PDE4D: variants seen among roughly 807,000 people sequenced by gnomAD.
PDE4D encodes 3',5'-cyclic-AMP phosphodiesterase 4D.
PDE4D carries 24 observed loss-of-function variants against 87.4 expected under a neutral mutation model. That is an observed-to-expected ratio of 0.27 (90% CI 0.20 to 0.39). PDE4D has a LOEUF of 0.39. Ranked by LOEUF, PDE4D falls within the 10% of genes least tolerant of loss-of-function variation. PDE4D has a pLI of 1.00. For synonymous variants in PDE4D, 384 were observed against 383.2 expected (o/e 1.00, Z -0.02); for missense variants, 714 against 1,041.0 (o/e 0.69, Z 4.32).
intron 2 of PDE4D, among the ~76,000 whole-genome samples, chr5:60,123,921 T>C (rs556666767): frequency 7.9e-5 from 12 of 152,274 alleles, no homozygotes; most frequent in African/African-American, 2.9e-4. Context: ...TAATACTGCA[T>C]GGAAATCTTT....
At chr5:59,507,036 C>T (rs1352820342) in intron 1 of PDE4D, among the ~76,000 whole-genome samples, 1 of 152,008 alleles carries the variant, frequency 6.6e-6, no homozygotes, top group African/African-American at 2.4e-5. Context: ...CAAATATTTA[C>T]CAATAATAAA....
At chr5:60,228,711 T>C (rs1745437411) in intron 1 of PDE4D, among the ~76,000 whole-genome samples, 1 of 150,964 alleles carries the variant, frequency 6.6e-6, no homozygotes, top group African/African-American at 2.4e-5. Flanking sequence ...GAAGCTAAAC[T>C]ACCAAAAAAA....
At chr5:59,551,575 TA>T (rs1460852235) in intron 1 of PDE4D, among the ~76,000 whole-genome samples, 2 of 151,942 alleles carry the variant, frequency 1.3e-5, no homozygotes, top group Admixed American at 6.6e-5. Flanking sequence ...GCCACCGTCC[TA>T]ATTCTTACAA....
intron 2 of PDE4D, among the ~76,000 whole-genome samples, chr5:60,018,787 T>C (rs952695195): frequency 2.0e-5 from 3 of 150,670 alleles, no homozygotes; most frequent in African/African-American, 7.5e-5. Flanking sequence ...CAAGAAGGGC[T>C]AACTATCCTA....
intron 1 of PDE4D, among the ~76,000 whole-genome samples, chr5:59,506,282 T>G (rs1809248518): frequency 6.6e-6 from 1 of 152,150 alleles, no homozygotes; most frequent in South Asian, 2.1e-4. Flanking sequence ...GGTATACAGA[T>G]TTCCCATATG....
intron 1 of PDE4D, chr5:60,460,619 G>A: frequency 8.0e-7 from 1 of 1,244,322 alleles, no homozygotes; most frequent in Non-Finnish European, 1.2e-6. Flanking sequence ...GCTTCTTGCT[G>A]TTCTTTTTCT....
intron 3 of PDE4D, among the ~76,000 whole-genome samples, chr5:59,967,151 T>C (rs908888680): frequency 1.3e-5 from 2 of 152,132 alleles, no homozygotes; most frequent in Non-Finnish European, 2.9e-5. Flanking sequence ...AGTCAGCTTA[T>C]GTCACTCTCA....
chr5:59,605,938 T>G (rs1055671578), intron 1 of PDE4D, among the ~76,000 whole-genome samples: 10 of 152,014 alleles, frequency 6.6e-5, no homozygotes, highest in Non-Finnish European at 1.5e-4. Context: ...TTATTACAGA[T>G]AGATCCAATA....
intron 1 of PDE4D, among the ~76,000 whole-genome samples, chr5:59,308,931 G>C (rs931241475): frequency 6.6e-6 from 1 of 152,010 alleles, no homozygotes; most frequent in Non-Finnish European, 1.5e-5. Context: ...GGCTGCTATG[G>C]GGGATGGGGG....
chr5:59,687,826 C>A (rs1157713838), intron 1 of PDE4D, among the ~76,000 whole-genome samples: 1 of 152,112 alleles, frequency 6.6e-6, no homozygotes, highest in Non-Finnish European at 1.5e-5. Context: ...GGAGACCCAT[C>A]TCACGTGCAG....
At chr5:59,677,037 T>C (rs535937536) in intron 1 of PDE4D, among the ~76,000 whole-genome samples, 3 of 151,926 alleles carry the variant, frequency 2.0e-5, no homozygotes, top group African/African-American at 4.8e-5. Flanking sequence ...GAAAAGAAAA[T>C]GTGGATGGCT....
At chr5:59,781,897 C>T (rs912942713) in intron 1 of PDE4D, among the ~76,000 whole-genome samples, 37 of 149,964 alleles carry the variant, frequency 2.5e-4, no homozygotes, top group Admixed American at 1.9e-3. Context: ...AAGCTACCAA[C>T]GTTATATCAG....
chr5:59,042,738 T>C (rs1259007263), intron 5 of PDE4D, among the ~76,000 whole-genome samples: 1 of 152,172 alleles, frequency 6.6e-6, no homozygotes, highest in Non-Finnish European at 1.5e-5. Context: ...CTTTGAACTA[T>C]GTAACACCCG....
At chr5:60,516,378 T>C (rs1750802905) in intron 1 of PDE4D, among the ~76,000 whole-genome samples, 2 of 152,224 alleles carry the variant, frequency 1.3e-5, no homozygotes, top group African/African-American at 4.8e-5. Flanking sequence ...GAGTGAATGA[T>C]AAAGGACAGC....
intron 1 of PDE4D, among the ~76,000 whole-genome samples, chr5:60,283,028 A>T (rs933228247): frequency 3.3e-5 from 5 of 152,082 alleles, no homozygotes; most frequent in Non-Finnish European, 5.9e-5. Context: ...TGATGCAGTT[A>T]TTTGATTGTT....
intron 1 of PDE4D, among the ~76,000 whole-genome samples, chr5:60,432,480 C>T (rs1302244734): frequency 1.3e-5 from 2 of 152,054 alleles, no homozygotes; most frequent in Non-Finnish European, 2.9e-5. Flanking sequence ...GGTTCAGTCT[C>T]GAGAGGTTGA....
rs79022333 is a variant in PDE4D, at chr5:59,931,999, C to T, written c.272+56489G>A. On this transcript the variant is annotated intron_variant, in intron 3 of 16. Transcript: ENST00000502484. Reference sequence around the variant, plus strand: ...TACAGGCCTGAGCCACTGTGGGGCGCGGCCATGGATTAAATCTTAACATGA... The same window carrying T: ...TACAGGCCTGAGCCACTGTGGGGCGTGGCCATGGATTAAATCTTAACATGA... Among the ~76,000 whole-genome samples the T allele has an allele frequency of 4.9e-3, 747 of 152,252 alleles. 3 individuals are homozygous for T. Among genetic ancestry groups the T allele is most frequent in the African/African-American group, 0.017 (718 of 41,538 alleles).
At chr5:60,205,384 T>C (rs1742379161) in intron 1 of PDE4D, among the ~76,000 whole-genome samples, 1 of 152,194 alleles carries the variant, frequency 6.6e-6, no homozygotes, top group South Asian at 2.1e-4. Flanking sequence ...AACATCCTTT[T>C]GTCTCTACCA....
chr5:59,487,934 ACTGT>A (rs1023504276), intron 1 of PDE4D, among the ~76,000 whole-genome samples: 5 of 152,146 alleles, frequency 3.3e-5, no homozygotes, highest in African/African-American at 1.2e-4. Flanking sequence ...ACCACAAGTG[ACTGT>A]CTGCCATAGT....
Sources: allele counts gnomAD v4.1 joint callset (sites outside exome capture counted in the v4.1 genomes callset), GRCh38; gene constraint gnomAD v4.1.1; transcripts MANE v1.5; gene names NCBI Gene and HGNC (gene_info 2026-07-23, HGNC 2026-07-21).